Variants in CDC42BPB observed in about 807,000 individuals in gnomAD.
CDC42BPB encodes the protein CDC42 binding protein kinase beta.
CDC42BPB carries 37 observed loss-of-function variants against 214.9 expected under a neutral mutation model. The ratio of observed to expected loss-of-function variants is 0.17; its 90% CI spans 0.13 to 0.23. The LOEUF is 0.23. CDC42BPB is among the 10% of genes least tolerant of loss of function. The pLI, the probability that CDC42BPB is intolerant of heterozygous loss-of-function variation, is 1.00. For missense variants in CDC42BPB, 1,694 were observed against 2,227.0 expected, an observed-to-expected ratio of 0.76 and a Z score of 4.82; for synonymous variants, 931 against 884.0, an observed-to-expected ratio of 1.05 and a Z score of -0.94.
intron 1 of CDC42BPB, among the ~76,000 whole-genome samples, chr14:103,045,520 G>A (rs537131468): frequency 3.3e-5 from 5 of 152,196 alleles, no homozygotes; most frequent in South Asian, 4.1e-4. Context: ...TCCAGCCACC[G>A]TATTTCCACT....
intron 21 of CDC42BPB, chr14:102,956,274 G>C (rs754145140): frequency 1.1e-5 from 2 of 174,570 alleles, no homozygotes; most frequent in Non-Finnish European, 2.3e-5. Context: ...AGATGCAGAC[G>C]AGGAGGAGAG....
At chr14:103,049,516 C>A (rs1408504600) in intron 1 of CDC42BPB, among the ~76,000 whole-genome samples, 3 of 152,242 alleles carry the variant, frequency 2.0e-5, no homozygotes, top group African/African-American at 7.2e-5. Context: ...TAAGTAGAAA[C>A]AGAGCAGTTA....
At chr14:102,952,792 C>T in intron 23 of CDC42BPB, 189 bp from the exon 24 acceptor site, 1 of 942,324 alleles carries the variant, frequency 1.1e-6, no homozygotes, top group Non-Finnish European at 1.3e-6. Flanking sequence ...ACCTACGAGC[C>T]TGAGCCAGAG....
chr14:102,970,931 T>C (rs1893445577), intron 13 of CDC42BPB, among the ~76,000 whole-genome samples: 2 of 152,350 alleles, frequency 1.3e-5, no homozygotes, highest in South Asian at 4.1e-4. Flanking sequence ...TTCTCATTTA[T>C]GGGATTTATC....
intron 5 of CDC42BPB, among the ~76,000 whole-genome samples, chr14:102,995,755 A>G (rs990876787): frequency 2.0e-5 from 3 of 152,170 alleles, no homozygotes; most frequent in African/African-American, 7.2e-5. Flanking sequence ...CGGGCTCCAA[A>G]CCATGCTGTA....
At chr14:102,977,462 T>G (rs1005773773) in intron 9 of CDC42BPB, among the ~76,000 whole-genome samples, 2 of 152,076 alleles carry the variant, frequency 1.3e-5, no homozygotes, top group African/African-American at 4.8e-5. Context: ...GAGCTTCCAT[T>G]GTCTCATTTC....
chr14:102,974,644 G>A (rs1413144718), intron 11 of CDC42BPB, among the ~76,000 whole-genome samples: 2 of 152,252 alleles, frequency 1.3e-5, no homozygotes, highest in African/African-American at 2.4e-5. Flanking sequence ...GCCAACCTGT[G>A]TGAGGTTAAG....
rs889837885 is a variant in CDC42BPB at position 103,001,664 on chromosome 14, G to A, written c.448-1951C>T. Reference sequence around the variant, plus strand: ...GTGTGGAGGGCGATGCAGAGGGGGCGGTGGATGCACACTGCAGGCATTCCA... The same window carrying A: ...GTGTGGAGGGCGATGCAGAGGGGGCAGTGGATGCACACTGCAGGCATTCCA... On this transcript the variant is annotated intron_variant, in intron 4 of 36. Coordinates refer to ENST00000361246, the MANE Select transcript of CDC42BPB (RefSeq NM_006035.4). This position sits in a 1 kb window ranked among gnomAD's most constrained non-coding sequence, Gnocchi z 5.8. Among the ~76,000 whole-genome samples, 16 of 152,286 alleles carry A rather than the reference G, an allele frequency of 1.1e-4. No homozygotes were observed. The highest frequency in any genetic ancestry group is 5.9e-4 in the Admixed American group (9 of 15,298).
intron 25 of CDC42BPB, 37 bp from the exon 26 acceptor site, chr14:102,949,941 G>A (rs1317340407): frequency 6.2e-7 from 1 of 1,608,280 alleles, no homozygotes; most frequent in African/African-American, 1.3e-5. Context: ...CGTTCCACCA[G>A]GCCAGGCAGG....
At chr14:102,972,197 C>T (rs777537944) in intron 12 of CDC42BPB, 36 bp from the exon 13 acceptor site, 1 of 1,603,134 alleles carries the variant, frequency 6.2e-7, no homozygotes, top group Non-Finnish European at 8.5e-7. Flanking sequence ...TTACGTTTGC[C>T]TAACAAAGGC....
intron 25 of CDC42BPB, chr14:102,950,221 T>G: frequency 4.8e-6 from 3 of 629,638 alleles, no homozygotes; most frequent in Non-Finnish European, 5.9e-6. Flanking sequence ...GCCCACTGGC[T>G]GGACACTCAG....
intron 1 of CDC42BPB, among the ~76,000 whole-genome samples, chr14:103,026,019 C>T (rs190986394): frequency 4.5e-4 from 69 of 152,280 alleles, no homozygotes; most frequent in African/African-American, 1.6e-3. Flanking sequence ...TGAAGAATAA[C>T]TGTGCGCCCC....
At chr14:102,998,972 C>G (rs1277042671) in intron 5 of CDC42BPB, among the ~76,000 whole-genome samples, 1 of 69,980 alleles carries the variant, frequency 1.4e-5, no homozygotes, top group Non-Finnish European at 2.9e-5. Flanking sequence ...CCAGGGAGCA[C>G]AGGCATTTTA....
intron 12 of CDC42BPB, 99 bp from the exon 13 acceptor site, chr14:102,972,260 G>A: frequency 1.9e-6 from 3 of 1,546,628 alleles, no homozygotes; most frequent in Non-Finnish European, 2.6e-6. Context: ...AAAAGCGACA[G>A]CCAATGCTGG....
intron 1 of CDC42BPB, among the ~76,000 whole-genome samples, chr14:103,027,807 G>A (rs950000109): frequency 4.6e-5 from 7 of 152,204 alleles, no homozygotes; most frequent in Non-Finnish European, 8.8e-5. Context: ...ACAAATGTGT[G>A]AATAGAGTAA....
chr14:102,959,617 A>C lies in CDC42BPB; in HGVS notation c.2901+14T>G, dbSNP rs997835538. ...TAAACTCATCTGTCACTTAAAAAAAAAACAATGACTTACTCTAAATGTCAG... is the reference window on the plus strand; with the variant it reads ...TAAACTCATCTGTCACTTAAAAAAACAACAATGACTTACTCTAAATGTCAG... On this transcript the variant is annotated intron_variant, in intron 21 of 36. Coordinates refer to ENST00000361246, the MANE Select transcript of CDC42BPB (RefSeq NM_006035.4). The C allele has an allele frequency of 4.5e-6, 7 of 1,572,756 alleles. No homozygotes were observed. The highest frequency in any genetic ancestry group is 2.3e-5 in the South Asian group (2 of 85,858).
intron 5 of CDC42BPB, among the ~76,000 whole-genome samples, chr14:102,997,871 G>A (rs574293583): frequency 7.9e-5 from 12 of 152,220 alleles, no homozygotes; most frequent in South Asian, 2.1e-4. Context: ...GGAGCCGGGC[G>A]CGGTGGCTCA....
intron 11 of CDC42BPB, 145 bp downstream of exon 11, chr14:102,975,533 AACTGAC>A: frequency 2.4e-6 from 2 of 824,534 alleles, no homozygotes; most frequent in South Asian, 3.5e-5. Flanking sequence ...AAAAAAAAAC[AACTGAC>A]CAAAATTTGA....
At chr14:102,951,452 A>G (rs1892486687) in intron 24 of CDC42BPB, among the ~76,000 whole-genome samples, 1 of 152,284 alleles carries the variant, frequency 6.6e-6, no homozygotes, top group African/African-American at 2.4e-5. Context: ...GGGTAAGAGC[A>G]TGTCGAATCC....
Sources: allele counts gnomAD v4.1 joint callset (sites outside exome capture counted in the v4.1 genomes callset), GRCh38; gene constraint gnomAD v4.1.1; non-coding constraint Gnocchi (gnomAD v3.1); transcripts MANE v1.5; gene names NCBI Gene and HGNC (gene_info 2026-07-23, HGNC 2026-07-21).